The following CPVL variants were observed in gnomAD, a reference collection of about 807,000 sequenced individuals.
CPVL encodes carboxypeptidase vitellogenic like.
Under a neutral mutation model 63.7 loss-of-function variants are expected in CPVL, and 51 were observed. The observed-to-expected ratio is 0.80, with a 90% CI of 0.64 to 1.01. The LOEUF is 1.01. CPVL is among the 50% of genes least tolerant of loss of function. The pLI, the probability that CPVL is intolerant of heterozygous loss-of-function variation, is 0.00. For missense variants in CPVL, 530 were observed against 573.1 expected (o/e 0.92, Z 0.77); for synonymous variants, 195 against 206.0 (o/e 0.95, Z 0.46).
At chr7:29,166,978 T>A (rs2128719529) in intron 5 of CPVL, among the ~76,000 whole-genome samples, 2 of 152,292 alleles carry the variant, frequency 1.3e-5, no homozygotes, top group Admixed American at 1.3e-4. Context: ...TAAGATATAT[T>A]TCTATGCTTT....
intron 1 of CPVL, among the ~76,000 whole-genome samples, chr7:29,134,376 C>G (rs1422378245): frequency 6.6e-6 from 1 of 152,190 alleles, no homozygotes; most frequent in Non-Finnish European, 1.5e-5. Flanking sequence ...GTCCAACCAG[C>G]AATTTAGTTT....
intron 12 of CPVL, among the ~76,000 whole-genome samples, chr7:29,019,200 A>G (rs903243921): frequency 1.3e-5 from 2 of 152,292 alleles, no homozygotes; most frequent in East Asian, 1.9e-4. Context: ...TTGTTAGGTG[A>G]TATCTTAGAA....
At chr7:29,146,383 T>G (rs1396013427) in intron 1 of CPVL, 46 bp downstream of exon 1, 14 of 719,866 alleles carry the variant, frequency 1.9e-5, no homozygotes, top group African/African-American at 3.6e-5. Context: ...GGCGAGGACC[T>G]GTCCCGCTGA....
At chr7:29,129,611 G>C (rs323180) in intron 1 of CPVL, among the ~76,000 whole-genome samples, 8 of 151,758 alleles carry the variant, frequency 5.3e-5, no homozygotes, top group African/African-American at 1.5e-4. Context: ...TGGGGCTACA[G>C]GTGTGTGCTA....
At chr7:29,088,611 T>G (rs1785443584) in intron 6 of CPVL, among the ~76,000 whole-genome samples, 2 of 152,248 alleles carry the variant, frequency 1.3e-5, no homozygotes, top group Non-Finnish European at 2.9e-5. Context: ...TCTTATTACA[T>G]GGTGAGCATT....
At chr7:29,086,687 T>C (rs1006301542) in intron 6 of CPVL, 137 bp from the exon 7 acceptor site, 5 of 657,870 alleles carry the variant, frequency 7.6e-6, no homozygotes, top group Non-Finnish European at 1.4e-5. Flanking sequence ...TATGAGCTCC[T>C]GTAGGACATT....
At chr7:29,105,918 T>C (rs564321883) in intron 3 of CPVL, among the ~76,000 whole-genome samples, 8 of 152,230 alleles carry the variant, frequency 5.3e-5, no homozygotes, top group Admixed American at 2.6e-4. Context: ...TAAACATACA[T>C]ATACAAAGAG....
Position 29,050,585 on chromosome 7 carries a change from A to G in CPVL, c.1137+13476T>C, listed in dbSNP as rs919023443. ...ACAAAACACTGCTGAAAGAAATCAT[A>G]AATACAAATAAACAAGACAAATAGA... On this transcript the variant is annotated intron_variant, in intron 11 of 12. Transcript: ENST00000265394. Among the ~76,000 whole-genome samples the G allele has an allele frequency of 3.3e-5, 5 of 152,150 alleles. No homozygotes were observed. The East Asian group carries it at 9.6e-4, about 29-fold the overall frequency.
intron 12 of CPVL, among the ~76,000 whole-genome samples, chr7:29,008,048 G>A (rs1321651324): frequency 1.3e-5 from 2 of 152,104 alleles, no homozygotes; most frequent in African/African-American, 4.8e-5. Context: ...GTAATGTGGG[G>A]AAAGATCAAG....
chr7:29,096,693 C>A (rs765114947), intron 3 of CPVL, among the ~76,000 whole-genome samples: 1 of 152,104 alleles, frequency 6.6e-6, no homozygotes, highest in East Asian at 1.9e-4. Context: ...TCACTAAGAA[C>A]GTGTTCACAG....
intron 5 of CPVL, among the ~76,000 whole-genome samples, chr7:29,176,528 G>T (rs985357635): frequency 2.6e-5 from 4 of 152,072 alleles, no homozygotes; most frequent in African/African-American, 9.7e-5. Context: ...ATCTAACTTT[G>T]ATTCCAAAGG....
In CPVL at chr7:29,194,914, C is replaced by G. The variant is rs1369093957; in HGVS notation, c.-448+163G>C. The G allele has an allele frequency of 5.9e-6, 9 of 1,536,542 alleles. No individual in the cohort carries two copies. The East Asian group carries it at 2.4e-4, about 41-fold the overall frequency. On this transcript the variant is annotated intron_variant, in intron 1 of 16. Transcript: ENST00000409850. ...CGGCGGCGTCCGCACCGGGGCTGAG[C>G]GAGCAGCGACGCGAGGGGCGCGCGG...
intron 11 of CPVL, 128 bp from the exon 12 acceptor site, chr7:29,030,887 G>A: frequency 1.3e-6 from 1 of 796,454 alleles, no homozygotes; most frequent in Non-Finnish European, 2.0e-6. Flanking sequence ...TTTTCTTCTA[G>A]TTAGCCATAA....
At chr7:29,105,300 T>C (rs1314480050) in intron 3 of CPVL, among the ~76,000 whole-genome samples, 2 of 152,172 alleles carry the variant, frequency 1.3e-5, no homozygotes, top group African/African-American at 4.8e-5. Context: ...ATCCAGACTG[T>C]GGCAGCCATG....
At chr7:29,054,088 A>T (rs1185373022) in intron 11 of CPVL, among the ~76,000 whole-genome samples, 1 of 152,034 alleles carries the variant, frequency 6.6e-6, no homozygotes, top group African/African-American at 2.4e-5. Flanking sequence ...AAACAAAACA[A>T]AACAAACAAA....
intron 1 of CPVL, among the ~76,000 whole-genome samples, chr7:29,143,665 TC>T (rs34867868): frequency 0.12 from 18,252 of 152,130 alleles, 1,158 homozygotes; most frequent in Non-Finnish European, 0.14. Flanking sequence ...TGTAAACAAT[TC>T]TAAGCAATTT....
intron 11 of CPVL, among the ~76,000 whole-genome samples, chr7:29,052,675 C>T (rs1399419920): frequency 2.0e-5 from 3 of 152,006 alleles, no homozygotes; most frequent in Non-Finnish European, 2.9e-5. Context: ...TTTGGGAGGT[C>T]GAGGCGGGCG....
intron 7 of CPVL, among the ~76,000 whole-genome samples, chr7:29,077,817 T>C (rs1439393490): frequency 6.6e-6 from 1 of 152,112 alleles, no homozygotes; most frequent in Non-Finnish European, 1.5e-5. Flanking sequence ...ATACACACAC[T>C]GAACACCCCA....
At chr7:29,038,596 C>T (rs1256525725) in intron 11 of CPVL, among the ~76,000 whole-genome samples, 1 of 152,178 alleles carries the variant, frequency 6.6e-6, no homozygotes, top group Non-Finnish European at 1.5e-5. Flanking sequence ...TAACACTTTG[C>T]GGAGCTGTAA....
Sources: allele counts gnomAD v4.1 joint callset (sites outside exome capture counted in the v4.1 genomes callset), GRCh38; gene constraint gnomAD v4.1.1; transcripts MANE v1.5; gene names NCBI Gene and HGNC (gene_info 2026-07-23, HGNC 2026-07-21).